FAT4: variants seen among roughly 807,000 people sequenced by gnomAD.
The protein encoded by FAT4 is protocadherin Fat 4.
Under a neutral mutation model 303.9 loss-of-function variants are expected in FAT4, and 84 were observed. The observed-to-expected ratio is 0.28, with a 90% confidence interval of 0.23 to 0.33. FAT4 has a LOEUF of 0.33. Ranked by LOEUF, FAT4 falls within the 10% of genes least tolerant of loss-of-function variation. The pLI is 1.00. For missense variants in FAT4, 6,005 were observed against 6,146.8 expected (o/e 0.98, Z 0.77); for synonymous variants, 2,307 against 2,298.8 (o/e 1.00, Z -0.10).
intron 17 of FAT4, among the ~76,000 whole-genome samples, chr4:125,488,402 G>A (rs1727487418): frequency 6.6e-6 from 1 of 152,194 alleles, no homozygotes; most frequent in Admixed American, 6.5e-5. Flanking sequence ...TCAGGCTACA[G>A]CATGGAGAAT....
Position 125,408,538 on chromosome 4 carries a change from C to CTTT in FAT4, c.5667_5669dup (p.Phe1890dup), listed in dbSNP as rs1233196635. The CTTT allele has an allele frequency of 8.1e-6, 13 of 1,612,872 alleles. No individual in the cohort carries two copies. Among genetic ancestry groups the CTTT allele is most frequent in the Non-Finnish European group, 1.1e-5 (13 of 1,179,368 alleles). On this transcript the variant is annotated inframe_insertion, in exon 5 of 18. Transcript: ENST00000394329. ...TGAATGAAGATGATGAAGATGGCATCTTTTTCCTGAATCCTATTACTGGGG... is the reference window on the plus strand; with the variant it reads ...TGAATGAAGATGATGAAGATGGCATCTTTTTTTTCCTGAATCCTATTACTGGGG...
chr4:125,323,487 C>A (rs1184534577), intron 2 of FAT4, among the ~76,000 whole-genome samples: 1 of 151,936 alleles, frequency 6.6e-6, no homozygotes, highest in Non-Finnish European at 1.5e-5. Flanking sequence ...ATTTAAAAAT[C>A]TGGGGAGAAT....
intron 10 of FAT4, among the ~76,000 whole-genome samples, chr4:125,453,654 C>T (rs538039465): frequency 1.3e-4 from 20 of 151,432 alleles, no homozygotes; most frequent in Admixed American, 5.3e-4. Flanking sequence ...TGCAGTGAGC[C>T]GAGATCGCGT....
At chr4:125,366,041 T>C (rs1427230624) in intron 2 of FAT4, among the ~76,000 whole-genome samples, 1 of 152,030 alleles carries the variant, frequency 6.6e-6, no homozygotes, top group Non-Finnish European at 1.5e-5. Flanking sequence ...ATGTGAGAGA[T>C]CTAGATTGCG....
Position 125,455,169 on chromosome 4 carries a change from A to G in FAT4, c.11800+2359A>G, listed in dbSNP as rs1726235302. Among the ~76,000 whole-genome samples the G allele has an allele frequency of 2.0e-5, 3 of 152,198 alleles. No individual in the cohort carries two copies. The South Asian group carries it at 6.2e-4, about 32-fold the overall frequency. On this transcript the variant is annotated intron_variant, in intron 10 of 17. Coordinates refer to ENST00000394329, the MANE Select transcript of FAT4 (RefSeq NM_001291303.3). ...TATTCTACATTAGTCTAATGCATTT[A>G]TTCACACTTAGGTTTAGATTGAGTT...
intron 2 of FAT4, among the ~76,000 whole-genome samples, chr4:125,345,347 G>A (rs1409551591): frequency 1.3e-5 from 2 of 151,326 alleles, no homozygotes; most frequent in African/African-American, 2.4e-5. Context: ...TTTGGTTTGG[G>A]GTCTCTGTTT....
chr4:125,471,787 C>G (rs1458191433), intron 12 of FAT4, among the ~76,000 whole-genome samples: 2 of 149,154 alleles, frequency 1.3e-5, no homozygotes, highest in Non-Finnish European at 3.0e-5. Context: ...CGGGGTGGCT[C>G]ACGCCTGTAA....
At chr4:125,375,732 C>A (rs1471340673) in intron 2 of FAT4, among the ~76,000 whole-genome samples, 1 of 152,176 alleles carries the variant, frequency 6.6e-6, no homozygotes, top group East Asian at 1.9e-4. Flanking sequence ...GAATTAATTT[C>A]TGCTTTTAAC....
chr4:125,330,497 C>T (rs1265763739), intron 2 of FAT4, among the ~76,000 whole-genome samples: 1 of 152,130 alleles, frequency 6.6e-6, no homozygotes, highest in African/African-American at 2.4e-5. Flanking sequence ...AATATGAACA[C>T]TATATATGTA....
In FAT4 at chr4:125,376,637, T is replaced by A. The variant is rs1733335296; in HGVS notation, c.5176-22147T>A. Among the ~76,000 whole-genome samples, 3 of 152,284 alleles carry A rather than the reference T, an allele frequency of 2.0e-5. No homozygotes were observed. In the South Asian group the frequency reaches 6.2e-4, roughly 32 times the overall value. ...TAAATAGGCCTGGCGCGGTGGCTCA[T>A]GCCTGTAATCCCAGTACTTTGGGAG... On this transcript the variant is annotated intron_variant, in intron 2 of 17. Coordinates refer to ENST00000394329, the MANE Select transcript of FAT4 (RefSeq NM_001291303.3).
chr4:125,372,229 G>T (rs543429135), intron 2 of FAT4, among the ~76,000 whole-genome samples: 1 of 152,086 alleles, frequency 6.6e-6, no homozygotes, highest in South Asian at 2.1e-4. Context: ...AGCTGTGGTG[G>T]TACACACCTG....
chr4:125,437,999 G>GC (rs1200330303), intron 8 of FAT4, among the ~76,000 whole-genome samples: 3 of 152,140 alleles, frequency 2.0e-5, no homozygotes, highest in Non-Finnish European at 4.4e-5. Context: ...AAAGCACCTA[G>GC]CCCTCTACCT....
chr4:125,477,226 G>T lies in FAT4; in HGVS notation c.12371G>T (p.Arg4124Ile). The change falls in exon 14 of 18, where the codon AGA (arginine) becomes ATA (isoleucine). Residue 4124 changes from arginine to isoleucine, a missense_variant. Transcript: ENST00000394329. ...TCTCTAGAACCAATCCTTCAGAGAA[G>T]AGGACACGTGGAAAGCCATGATTTT... is the stretch of plus-strand genomic sequence containing the variant. ...IRSLEPILQR[R>I]GHVESHDFVG... The T allele has an allele frequency of 1.3e-6, 2 of 1,543,450 alleles. No homozygotes were observed. Among genetic ancestry groups the T allele is most frequent in the Non-Finnish European group, 1.8e-6 (2 of 1,141,190 alleles).
chr4:125,440,612 A>T (rs200255142), intron 8 of FAT4, among the ~76,000 whole-genome samples: 43 of 62,312 alleles, frequency 6.9e-4, no homozygotes, highest in African/African-American at 3.7e-3. Flanking sequence ...TGTGTGTGTG[A>T]GAGAGAGAGA....
chr4:125,398,713 G>A (rs1165096181), intron 2 of FAT4, 71 bp from the exon 3 acceptor site: 1 of 1,487,640 alleles, frequency 6.7e-7, no homozygotes, highest in African/African-American at 1.4e-5. Context: ...GTGGATTCCT[G>A]GTAGTCATTT....
At chr4:125,474,489 G>A (rs575006141) in intron 12 of FAT4, among the ~76,000 whole-genome samples, 126 of 151,998 alleles carry the variant, frequency 8.3e-4, no homozygotes, top group Middle Eastern at 3.4e-3. Context: ...CAGAGAATTG[G>A]AAGTATAAAT....
At chr4:125,427,694 GA>G (rs547781955) in intron 7 of FAT4, among the ~76,000 whole-genome samples, 84 of 152,004 alleles carry the variant, frequency 5.5e-4, no homozygotes, top group African/African-American at 2.0e-3. Flanking sequence ...ACTTCATGGG[GA>G]AAAAAAGAAG....
At chr4:125,419,550 A>G (rs182701297) in intron 7 of FAT4, among the ~76,000 whole-genome samples, 29 of 152,332 alleles carry the variant, frequency 1.9e-4, no homozygotes, top group Admixed American at 3.3e-4. Context: ...AAGAACATTT[A>G]AAACTATAAA....
chr4:125,432,968 T>C (rs1725331235), intron 7 of FAT4, among the ~76,000 whole-genome samples: 1 of 152,112 alleles, frequency 6.6e-6, no homozygotes, highest in African/African-American at 2.4e-5. Flanking sequence ...AAATAACAGA[T>C]CTCCAAAACC....
Sources: allele counts gnomAD v4.1 joint callset (sites outside exome capture counted in the v4.1 genomes callset), GRCh38; gene constraint gnomAD v4.1.1; transcripts MANE v1.5; gene names NCBI Gene and HGNC (gene_info 2026-07-23, HGNC 2026-07-21).